Variants in ARB2A observed in about 807,000 individuals in gnomAD.
ARB2A encodes cotranscriptional regulator ARB2A.
At chr5:93,682,780 T>C in the ARB2A span, 2 of 904,618 alleles carry the variant, frequency 2.2e-6, no homozygotes, top group East Asian at 2.4e-5. Flanking sequence ...AGATATCAAC[T>C]GTTAACAGAA....
At chr5:93,954,556 G>A in the ARB2A span, among the ~76,000 whole-genome samples, 3 of 151,912 alleles carry the variant, frequency 2.0e-5, no homozygotes, top group African/African-American at 4.8e-5. Context: ...GCAGAGGGAA[G>A]GAGTTTCTCT....
At chr5:93,934,033 G>A in the ARB2A span, among the ~76,000 whole-genome samples, 1 of 151,638 alleles carries the variant, frequency 6.6e-6, no homozygotes, top group Non-Finnish European at 1.5e-5. Flanking sequence ...AAGATAGAGG[G>A]CAAACTGGAG....
At chr5:94,081,486 A>C in the ARB2A span, among the ~76,000 whole-genome samples, 1 of 152,248 alleles carries the variant, frequency 6.6e-6, no homozygotes, top group Non-Finnish European at 1.5e-5. Context: ...ATATCCATAC[A>C]ATAGGATATT....
chr5:93,815,585 T>C, the ARB2A span, among the ~76,000 whole-genome samples: 1 of 152,316 alleles, frequency 6.6e-6, no homozygotes, highest in African/African-American at 2.4e-5. Flanking sequence ...TTTACGCCTA[T>C]GATAATAGCT....
the ARB2A span, among the ~76,000 whole-genome samples, chr5:93,979,899 C>T: frequency 1.3e-5 from 2 of 152,120 alleles, no homozygotes; most frequent in Admixed American, 1.3e-4. Context: ...AGCATACTTA[C>T]ATCTAAAATT....
chr5:93,903,893 A>T, the ARB2A span, among the ~76,000 whole-genome samples: 1 of 152,040 alleles, frequency 6.6e-6, no homozygotes, highest in South Asian at 2.1e-4. Context: ...AAGTGAGAAT[A>T]AAAAATAGTG....
chr5:93,769,453 A>T, the ARB2A span, among the ~76,000 whole-genome samples: 1 of 152,152 alleles, frequency 6.6e-6, no homozygotes, highest in African/African-American at 2.4e-5. Context: ...TTTCTATTTG[A>T]ATTTCCTGCC....
chr5:93,888,343 A>C, the ARB2A span, among the ~76,000 whole-genome samples: 9 of 151,966 alleles, frequency 5.9e-5, no homozygotes, highest in Non-Finnish European at 7.4e-5. Flanking sequence ...TTATACATTA[A>C]ACTAAAAAGA....
the ARB2A span, among the ~76,000 whole-genome samples, chr5:93,954,538 C>T: frequency 6.6e-6 from 1 of 151,846 alleles, no homozygotes; most frequent in Non-Finnish European, 1.5e-5. Flanking sequence ...TCTCCTCAAG[C>T]ACCTCAAGCA....
chr5:93,902,112 C>G, the ARB2A span, among the ~76,000 whole-genome samples: 2 of 151,838 alleles, frequency 1.3e-5, no homozygotes, highest in Non-Finnish European at 2.9e-5. Context: ...TATTATCATA[C>G]TATAATAATA....
At chr5:93,785,826 AAAT>A in the ARB2A span, among the ~76,000 whole-genome samples, 1 of 152,196 alleles carries the variant, frequency 6.6e-6, no homozygotes, top group East Asian at 1.9e-4. Flanking sequence ...TAAAAGCATA[AAAT>A]AATACTCTAA....
the ARB2A span, among the ~76,000 whole-genome samples, chr5:93,857,755 C>T: frequency 6.6e-6 from 1 of 152,192 alleles, no homozygotes; most frequent in African/African-American, 2.4e-5. Context: ...GGCAATGCCT[C>T]GTCCTGCTTC....
the ARB2A span, among the ~76,000 whole-genome samples, chr5:94,072,265 C>T: frequency 1.3e-5 from 2 of 152,036 alleles, no homozygotes; most frequent in African/African-American, 4.8e-5. Flanking sequence ...AAGGGACTTG[C>T]TAGTGGTGGA....
chr5:93,916,777 T>C, the ARB2A span, among the ~76,000 whole-genome samples: 5 of 152,114 alleles, frequency 3.3e-5, no homozygotes, highest in African/African-American at 1.2e-4. Context: ...ATGAACTCTC[T>C]ACTCTGAGCA....
At chr5:93,776,572 G>A in the ARB2A span, among the ~76,000 whole-genome samples, 1 of 152,194 alleles carries the variant, frequency 6.6e-6, no homozygotes, top group Non-Finnish European at 1.5e-5. Context: ...GAGGTCAGGA[G>A]TTCGAGACCA....
At chr5:93,639,511 C>A in the ARB2A span, among the ~76,000 whole-genome samples, 1 of 151,654 alleles carries the variant, frequency 6.6e-6, no homozygotes, top group Non-Finnish European at 1.5e-5. Context: ...TAAAGGATCC[C>A]GAACTTATTT....
At chr5:93,676,528 C>A in the ARB2A span, among the ~76,000 whole-genome samples, 1 of 152,092 alleles carries the variant, frequency 6.6e-6, no homozygotes, top group Non-Finnish European at 1.5e-5. Flanking sequence ...TAAATTATAT[C>A]TTAACCTATA....
chr5:93,623,794 G>A, the ARB2A span, among the ~76,000 whole-genome samples: 50 of 152,070 alleles, frequency 3.3e-4, no homozygotes, highest in Non-Finnish European at 6.2e-4. Flanking sequence ...TGGGGTGGAA[G>A]GGAGAGAATT....
At chr5:93,700,802 A>G in the ARB2A span, among the ~76,000 whole-genome samples, 1 of 152,140 alleles carries the variant, frequency 6.6e-6, no homozygotes, top group South Asian at 2.1e-4. Flanking sequence ...AAAATATATA[A>G]CAAAATATGT....
Sources: allele counts gnomAD v4.1 joint callset (sites outside exome capture counted in the v4.1 genomes callset), GRCh38; gene constraint gnomAD v4.1.1; transcripts MANE v1.5; gene names NCBI Gene and HGNC (gene_info 2026-07-23, HGNC 2026-07-21).